Variants in GCH1 observed in about 807,000 individuals in gnomAD.
GCH1 encodes GTP cyclohydrolase I.
Under a neutral mutation model 25.9 loss-of-function variants are expected in GCH1, and 5 were observed. That is an observed-to-expected ratio of 0.19 (90% CI 0.10 to 0.41). The LOEUF (loss-of-function observed/expected upper bound fraction) is 0.41. Ranked by LOEUF, GCH1 falls within the 10% of genes least tolerant of loss-of-function variation. The pLI is 1.00. For synonymous variants in GCH1, 159 were observed against 129.6 expected (o/e 1.23, Z -1.54); for missense variants, 261 against 336.5 (o/e 0.78, Z 1.75).
At chr14:54,870,512 G>C (rs1389584916) in intron 1 of GCH1, among the ~76,000 whole-genome samples, 1 of 152,138 alleles carries the variant, frequency 6.6e-6, no homozygotes, top group African/African-American at 2.4e-5. Flanking sequence ...TGCAGGACAG[G>C]GGGTGCAGCG....
intron 2 of GCH1, among the ~76,000 whole-genome samples, chr14:54,863,378 C>T (rs563845784): frequency 2.4e-4 from 31 of 128,104 alleles, no homozygotes; most frequent in African/African-American, 8.0e-4. Flanking sequence ...GCCGAGATCA[C>T]ACCACTGCAA....
chr14:54,843,186 A>G lies in GCH1; in HGVS notation c.*831T>C. The G allele has an allele frequency of 6.8e-7, 1 of 1,474,926 alleles. No homozygotes were observed. The highest frequency in any genetic ancestry group is 9.0e-7 in the Non-Finnish European group (1 of 1,116,508). The allele number at this position is 1,474,926 out of a possible 1,614,324, so 91.4% of individuals were successfully genotyped here. On this transcript the variant is annotated 3_prime_UTR_variant, in exon 6 of 6. Coordinates refer to ENST00000491895, the MANE Select transcript of GCH1 (RefSeq NM_000161.3). Reference sequence around the variant, plus strand: ...CACACAAAGGAAACTCAATAAACCTATAAAGTTAAAACTGAGCTGACTAGT... The same window carrying G: ...CACACAAAGGAAACTCAATAAACCTGTAAAGTTAAAACTGAGCTGACTAGT...
chr14:54,899,426 C>G (rs1465808208), intron 1 of GCH1, among the ~76,000 whole-genome samples: 3 of 152,100 alleles, frequency 2.0e-5, no homozygotes, highest in Non-Finnish European at 4.4e-5. Flanking sequence ...CCACTGCACT[C>G]CAGCCTAGGC....
chr14:54,858,809 G>A (rs2039852945), intron 3 of GCH1, among the ~76,000 whole-genome samples: 1 of 151,972 alleles, frequency 6.6e-6, no homozygotes, highest in African/African-American at 2.4e-5. Flanking sequence ...GATATTTAAG[G>A]GCAATAAAAT....
Position 54,843,256 on chromosome 14 carries a change from T to A in GCH1, c.*761A>T, listed in dbSNP as rs950138255. The A allele has an allele frequency of 1.7e-5, 23 of 1,390,000 alleles. No individual in the cohort carries two copies. The African/African-American group carries it at 2.3e-4, about 14-fold the overall frequency. The allele number at this position is 1,390,000 out of a possible 1,614,324, so 86.1% of individuals were successfully genotyped here. A position where few individuals can be genotyped will look rare whatever the true frequency, so the allele number is the denominator to read the frequency against. ...AAGTCTCATAAAATAATGGCTTTTT[T>A]AAAAAGGCAAAAGTATCTACACTCT... On this transcript the variant is annotated 3_prime_UTR_variant, in exon 6 of 6. Coordinates refer to ENST00000491895, the MANE Select transcript of GCH1 (RefSeq NM_000161.3).
intron 1 of GCH1, among the ~76,000 whole-genome samples, chr14:54,872,340 G>A (rs1025394240): frequency 1.3e-5 from 2 of 152,080 alleles, no homozygotes; most frequent in African/African-American, 4.8e-5. Context: ...AAGAGCTCCT[G>A]AAAGAAGCAC....
At chr14:54,867,109 A>G (rs936070568) in intron 1 of GCH1, among the ~76,000 whole-genome samples, 1 of 152,242 alleles carries the variant, frequency 6.6e-6, no homozygotes, top group Non-Finnish European at 1.5e-5. Context: ...CTTTAGTCAC[A>G]CAAGATATAT....
rs369674866 is a variant in GCH1 at position 54,846,632 on chromosome 14, A to G, written c.541+467T>C. Among the ~76,000 whole-genome samples the G allele has an allele frequency of 4.6e-5, 7 of 152,378 alleles. No homozygotes were observed. In the East Asian group the frequency reaches 7.7e-4, roughly 17 times the overall value. ...GGTATATGCATGAAAATGTGAAGGA[A>G]TGTGCAAATACAACAGTGATTTCTT... On this transcript the variant is annotated intron_variant, in intron 4 of 5. Transcript: ENST00000491895.
chr14:54,900,845 T>TCTCACACACACACACA (rs372705352), intron 1 of GCH1, among the ~76,000 whole-genome samples: 2 of 144,634 alleles, frequency 1.4e-5, no homozygotes, highest in Admixed American at 1.4e-4. Context: ...GTGAAATATC[T>TCTCACACACACACACA]CACACACACA....
At chr14:54,866,789 A>C (rs1365445482) in intron 1 of GCH1, among the ~76,000 whole-genome samples, 1 of 152,182 alleles carries the variant, frequency 6.6e-6, no homozygotes, top group Non-Finnish European at 1.5e-5. Flanking sequence ...TCAGAGATAC[A>C]TTTGACTGTG....
In GCH1 at chr14:54,866,312, T is replaced by C. The variant is rs533686964; in HGVS notation, c.344-876A>G. Reference sequence around the variant, plus strand: ...GCCACATTCCCCACCAATCATAATATAGCCAAGCTATTGATAATAGGCAGG... The same window carrying C: ...GCCACATTCCCCACCAATCATAATACAGCCAAGCTATTGATAATAGGCAGG... On this transcript the variant is annotated intron_variant, in intron 1 of 5. Transcript: ENST00000491895. 2.6e-5 allele frequency among the ~76,000 whole-genome samples: 4 copies of C among 152,074 alleles called. No homozygotes were observed. In the East Asian group the frequency reaches 7.7e-4, roughly 29 times the overall value.
rs2039867466 is a variant in GCH1 at position 54,859,796 on chromosome 14, A to C, written c.454-60T>G. 5 of 862,354 alleles carry C rather than the reference A, an allele frequency of 5.8e-6. No individual in the cohort carries two copies. In the South Asian group the frequency reaches 6.6e-5, roughly 11 times the overall value. 53.4% of individuals were successfully genotyped at this position (862,354 alleles called of 1,614,324 possible). A position where few individuals can be genotyped will look rare whatever the true frequency, so the allele number is the denominator to read the frequency against. On this transcript the variant is annotated intron_variant, in intron 2 of 5. Transcript: ENST00000491895. ...AAAATACAGTGCCTTCTTTGTGACAAAATAAGGAAATATAGAAAGAATATA... is the reference window on the plus strand; with the variant it reads ...AAAATACAGTGCCTTCTTTGTGACACAATAAGGAAATATAGAAAGAATATA...
chr14:54,882,843 T>A (rs1313117086), intron 1 of GCH1, among the ~76,000 whole-genome samples: 1 of 152,196 alleles, frequency 6.6e-6, no homozygotes, highest in Non-Finnish European at 1.5e-5. Flanking sequence ...CAAGCCACCA[T>A]CATTAGTGAC....
chr14:54,860,350 C>A (rs993896386), intron 2 of GCH1, among the ~76,000 whole-genome samples: 4 of 152,120 alleles, frequency 2.6e-5, no homozygotes, highest in Middle Eastern at 3.2e-3. Context: ...AAAATGTATA[C>A]AGGAAAGCCT....
At chr14:54,901,858 G>T (rs1440672723) in intron 1 of GCH1, among the ~76,000 whole-genome samples, 1 of 152,156 alleles carries the variant, frequency 6.6e-6, no homozygotes, top group Non-Finnish European at 1.5e-5. Context: ...TCGCGCCGAG[G>T]CTTCAATCCA....
intron 1 of GCH1, among the ~76,000 whole-genome samples, chr14:54,872,993 C>G (rs1046717670): frequency 6.6e-6 from 1 of 151,672 alleles, no homozygotes; most frequent in Non-Finnish European, 1.5e-5. Context: ...TAGCTCTGCA[C>G]CAAGCAGACC....
At chr14:54,897,971 C>T (rs1241576713) in intron 1 of GCH1, among the ~76,000 whole-genome samples, 1 of 152,214 alleles carries the variant, frequency 6.6e-6, no homozygotes, top group African/African-American at 2.4e-5. Flanking sequence ...ATGAGATAGC[C>T]TATTACACAC....
At chr14:54,889,527 A>G (rs2040397883) in intron 1 of GCH1, among the ~76,000 whole-genome samples, 1 of 152,326 alleles carries the variant, frequency 6.6e-6, no homozygotes, top group South Asian at 2.1e-4. Flanking sequence ...TGCACATCAC[A>G]AACATTTGGA....
intron 1 of GCH1, among the ~76,000 whole-genome samples, chr14:54,870,767 A>C (rs1449253743): frequency 6.6e-6 from 1 of 152,216 alleles, no homozygotes; most frequent in Non-Finnish European, 1.5e-5. Flanking sequence ...CAGCAGTCTG[A>C]GATCAAACTG....
Sources: allele counts gnomAD v4.1 joint callset (sites outside exome capture counted in the v4.1 genomes callset), GRCh38; gene constraint gnomAD v4.1.1; transcripts MANE v1.5; gene names NCBI Gene and HGNC (gene_info 2026-07-23, HGNC 2026-07-21).